Variants in DENND1A observed in about 807,000 individuals in gnomAD.
DENND1A encodes the protein DENN domain containing 1A, also known as DENN domain-containing protein 1A.
In DENND1A, 51 loss-of-function variants were observed where a neutral mutation model predicts 113.7. The observed-to-expected ratio is 0.45, with a 90% CI of 0.36 to 0.57. The LOEUF (loss-of-function observed/expected upper bound fraction) is 0.57, where lower values mean the gene tolerates loss of function less well. DENND1A is among the 20% of genes least tolerant of loss of function. The probability of loss-of-function intolerance (pLI) is 0.00; values close to 1 mark genes in which losing one functional copy is unlikely to be tolerated. For missense variants in DENND1A, 1,258 were observed against 1,395.9 expected, an observed-to-expected ratio of 0.90 and a Z score of 1.57; for synonymous variants, 565 against 570.8, an observed-to-expected ratio of 0.99 and a Z score of 0.14.
At chr9:123,426,486 G>C (rs2045742930) in intron 19 of DENND1A, among the ~76,000 whole-genome samples, 1 of 152,154 alleles carries the variant, frequency 6.6e-6, no homozygotes, top group Non-Finnish European at 1.5e-5. Context: ...GAACAAAGGT[G>C]GTGCTAGAAA....
intron 4 of DENND1A, among the ~76,000 whole-genome samples, chr9:123,761,013 G>T (rs1396425936): frequency 5.3e-5 from 8 of 152,100 alleles, no homozygotes; most frequent in Non-Finnish European, 1.0e-4. Context: ...GAAAGGAAGG[G>T]TATCGATAGG....
At chr9:123,560,518 C>G (rs1032109216) in intron 12 of DENND1A, among the ~76,000 whole-genome samples, 2 of 151,990 alleles carry the variant, frequency 1.3e-5, no homozygotes, top group African/African-American at 4.8e-5. Context: ...GAGATCCCAT[C>G]TCTATAAAAA....
At chr9:123,616,499 C>A (rs748813407) in intron 10 of DENND1A, among the ~76,000 whole-genome samples, 1 of 151,924 alleles carries the variant, frequency 6.6e-6, no homozygotes, top group African/African-American at 2.4e-5. Flanking sequence ...CTGTTCTAAG[C>A]GGGATTTAAG....
At chr9:123,389,859 C>T (rs77038473) in intron 21 of DENND1A, among the ~76,000 whole-genome samples, 8,088 of 152,266 alleles carry the variant, frequency 0.053, 285 homozygotes, top group Non-Finnish European at 0.074. Context: ...CTGGGGAGCT[C>T]GTGGGATGCA....
At chr9:123,843,155 C>G in intron 2 of DENND1A, 16 of 553,900 alleles carry the variant, frequency 2.9e-5, no homozygotes, top group South Asian at 2.2e-4. Flanking sequence ...TGTAAACACA[C>G]TTGACATGGT....
chr9:123,899,233 T>C (rs764251537), intron 1 of DENND1A, among the ~76,000 whole-genome samples: 5 of 152,200 alleles, frequency 3.3e-5, no homozygotes, highest in African/African-American at 7.2e-5. Flanking sequence ...CTCCTCAGCC[T>C]ATCATTAGTT....
chr9:123,775,496 C>T (rs527271327), intron 3 of DENND1A, among the ~76,000 whole-genome samples: 16 of 151,822 alleles, frequency 1.1e-4, no homozygotes, highest in Non-Finnish European at 1.8e-4. Context: ...AGGCAACTTG[C>T]CCTTAGGAAG....
At chr9:123,541,775 C>G (rs150451553) in intron 13 of DENND1A, among the ~76,000 whole-genome samples, 3 of 152,184 alleles carry the variant, frequency 2.0e-5, no homozygotes, top group African/African-American at 7.2e-5. Flanking sequence ...GCACAGAGGA[C>G]GAGTACTTCC....
intron 1 of DENND1A, among the ~76,000 whole-genome samples, chr9:123,910,709 G>A (rs1853803052): frequency 1.3e-5 from 2 of 152,344 alleles, no homozygotes; most frequent in Admixed American, 6.5e-5. Flanking sequence ...GGAGGCTGAG[G>A]CAGGCAGATC....
At chr9:123,518,628 G>C (rs1390367025) in intron 13 of DENND1A, among the ~76,000 whole-genome samples, 1 of 152,168 alleles carries the variant, frequency 6.6e-6, no homozygotes, top group Non-Finnish European at 1.5e-5. Context: ...GGCATACAGA[G>C]AAGACTGGAC....
At chr9:123,644,626 A>G (rs2062213635) in intron 9 of DENND1A, among the ~76,000 whole-genome samples, 1 of 152,194 alleles carries the variant, frequency 6.6e-6, no homozygotes, top group Non-Finnish European at 1.5e-5. Flanking sequence ...ATGGCACCCA[A>G]TAGACATAAC....
chr9:123,927,296 A>G (rs945265343), intron 1 of DENND1A, among the ~76,000 whole-genome samples: 20 of 152,208 alleles, frequency 1.3e-4, no homozygotes, highest in Admixed American at 1.3e-3. Flanking sequence ...ATATTGTTTT[A>G]AATCAACTTT....
intron 13 of DENND1A, among the ~76,000 whole-genome samples, chr9:123,489,400 G>T (rs1386432045): frequency 6.6e-6 from 1 of 152,212 alleles, no homozygotes; most frequent in Non-Finnish European, 1.5e-5. Context: ...ACCACTAGCT[G>T]CAGGAAGCCT....
intron 19 of DENND1A, among the ~76,000 whole-genome samples, chr9:123,420,103 G>A (rs534541295): frequency 5.9e-5 from 9 of 152,346 alleles, no homozygotes; most frequent in Admixed American, 1.3e-4. Flanking sequence ...GGACTTCCAC[G>A]TCACGCTGAG....
At chr9:123,757,332 G>A (rs1405985960) in intron 5 of DENND1A, among the ~76,000 whole-genome samples, 1 of 152,166 alleles carries the variant, frequency 6.6e-6, no homozygotes, top group Non-Finnish European at 1.5e-5. Context: ...CTGAGCTACA[G>A]ACACATACTT....
intron 22 of DENND1A, among the ~76,000 whole-genome samples, chr9:123,385,690 C>T (rs2042528571): frequency 1.3e-5 from 2 of 152,166 alleles, no homozygotes; most frequent in Middle Eastern, 3.2e-3. Flanking sequence ...GCAAGCAGGC[C>T]AGGAAGTCGG....
intron 21 of DENND1A, among the ~76,000 whole-genome samples, chr9:123,402,260 A>ATG (rs139080254): frequency 1.3e-5 from 2 of 151,822 alleles, no homozygotes; most frequent in East Asian, 1.9e-4. Context: ...ACACACACAC[A>ATG]CACGCACGCA....
chr9:123,453,542 C>T (rs530526712), intron 16 of DENND1A, among the ~76,000 whole-genome samples: 6 of 152,078 alleles, frequency 3.9e-5, no homozygotes, highest in Middle Eastern at 3.4e-3. Flanking sequence ...GTGAAGGGCC[C>T]GGAATGCCAG....
intron 12 of DENND1A, among the ~76,000 whole-genome samples, chr9:123,559,127 G>C (rs1227076863): frequency 6.6e-6 from 1 of 152,162 alleles, no homozygotes; most frequent in African/African-American, 2.4e-5. Context: ...TGCTAAGTAC[G>C]GGGAGTGGTG....
Sources: allele counts gnomAD v4.1 joint callset (sites outside exome capture counted in the v4.1 genomes callset), GRCh38; gene constraint gnomAD v4.1.1; transcripts MANE v1.5; gene names NCBI Gene and HGNC (gene_info 2026-07-23, HGNC 2026-07-21).